The following MND1 variants were observed in gnomAD, a reference collection of about 807,000 sequenced individuals.
MND1 encodes meiotic nuclear division protein 1 homolog.
In MND1, 28 loss-of-function variants were observed where a neutral mutation model predicts 35.1. That is an observed-to-expected ratio of 0.80 (90% CI 0.59 to 1.09). The LOEUF is 1.09. Ranked by LOEUF, MND1 falls within the 50% of genes least tolerant of loss-of-function variation. The pLI is 0.00. For synonymous variants in MND1, 69 were observed against 70.5 expected, an observed-to-expected ratio of 0.98 and a Z score of 0.11; for missense variants, 213 against 239.6, an observed-to-expected ratio of 0.89 and a Z score of 0.73.
At chr4:153,388,261 G>A (rs549390598) in intron 4 of MND1, among the ~76,000 whole-genome samples, 7 of 152,274 alleles carry the variant, frequency 4.6e-5, no homozygotes, top group East Asian at 3.9e-4. Flanking sequence ...AGGACAAGGC[G>A]GGAGGATCAC....
chr4:153,359,730 CATT>C (rs928936464), intron 4 of MND1, among the ~76,000 whole-genome samples: 7 of 145,404 alleles, frequency 4.8e-5, no homozygotes, highest in East Asian at 2.1e-4. Context: ...AGTGGTATCT[CATT>C]GTTGTTTTAA....
intron 3 of MND1, among the ~76,000 whole-genome samples, chr4:153,357,332 A>G (rs1579899713): frequency 6.6e-6 from 1 of 152,308 alleles, no homozygotes; most frequent in African/African-American, 2.4e-5. Context: ...AAATTTCTTA[A>G]GTTTAAATAC....
intron 1 of MND1, among the ~76,000 whole-genome samples, chr4:153,348,663 T>A (rs11735127): frequency 1.3e-5 from 2 of 151,938 alleles, no homozygotes; most frequent in African/African-American, 2.4e-5. Flanking sequence ...TTGTTTTTTT[T>A]TGTGTGTGTG....
intron 3 of MND1, among the ~76,000 whole-genome samples, chr4:153,358,036 G>A (rs1773388268): frequency 6.6e-6 from 1 of 152,104 alleles, no homozygotes; most frequent in African/African-American, 2.4e-5. Flanking sequence ...TTGCATTTCT[G>A]TAGTTTTGTT....
intron 4 of MND1, among the ~76,000 whole-genome samples, chr4:153,377,831 CTT>C (rs1440835596): frequency 2.0e-5 from 3 of 152,106 alleles, no homozygotes; most frequent in Admixed American, 2.0e-4. Context: ...TGGCTTTTTT[CTT>C]TTTCTTTATC....
chr4:153,369,998 A>G (rs1414243631), intron 4 of MND1, among the ~76,000 whole-genome samples: 15 of 152,052 alleles, frequency 9.9e-5, no homozygotes. Flanking sequence ...AGCAATTCCT[A>G]GGACCAGGCT....
rs552065294 is a variant in MND1 at position 153,344,690 on chromosome 4, C to T, written c.-48C>T. On this transcript the variant is annotated 5_prime_UTR_variant, in exon 1 of 8. Transcript: ENST00000240488. ...AAACGCGTCCTGGCCTGTCCCGCCC[C>T]TCTCCCCAAGCGCGGGCCCGGCCAG... 5 of 1,550,766 alleles carry T rather than the reference C, an allele frequency of 3.2e-6. No individual in the cohort carries two copies. In the Admixed American group the frequency reaches 5.4e-5, roughly 17 times the overall value.
intron 6 of MND1, among the ~76,000 whole-genome samples, chr4:153,404,875 C>T (rs1002293566): frequency 6.6e-6 from 1 of 151,930 alleles, no homozygotes; most frequent in Non-Finnish European, 1.5e-5. Flanking sequence ...TAGAAGTGTG[C>T]ACCTCTACAC....
At chr4:153,384,443 ATTTTTTTTTT>A (rs561004288) in intron 4 of MND1, among the ~76,000 whole-genome samples, 25 of 63,188 alleles carry the variant, frequency 4.0e-4, no homozygotes, top group South Asian at 2.1e-3. Flanking sequence ...CTAATGTTTA[ATTTTTTTTTT>A]TTTTTTTTTT....
chr4:153,381,689 TATA>T (rs1304354129), intron 4 of MND1: 1 of 30,708 alleles, frequency 3.3e-5, no homozygotes, highest in Admixed American at 4.1e-4. Flanking sequence ...TATATATATA[TATA>T]TTTTTTTTTT....
intron 4 of MND1, among the ~76,000 whole-genome samples, chr4:153,367,867 A>T (rs1377129238): frequency 6.6e-6 from 1 of 152,204 alleles, no homozygotes; most frequent in Non-Finnish European, 1.5e-5. Flanking sequence ...TTTTGATTCT[A>T]GCCATCCTTG....
intron 4 of MND1, 94 bp from the exon 5 acceptor site, chr4:153,394,146 TCGGCCTGGGGCGAGTGCTGGGG>T: frequency 1.3e-6 from 1 of 768,314 alleles, no homozygotes; most frequent in Non-Finnish European, 2.1e-6. Context: ...TCTGCCTGCC[TCGGCCTGGGGCGAGTGCTGGGG>T]CGTGAGCCAC....
chr4:153,385,611 G>C (rs1377570578), intron 4 of MND1, among the ~76,000 whole-genome samples: 2 of 151,434 alleles, frequency 1.3e-5, no homozygotes, highest in Non-Finnish European at 2.9e-5. Context: ...AGCTGCTCAG[G>C]AGGCTGAGGT....
chr4:153,405,458 C>T (rs1332177914), intron 6 of MND1, among the ~76,000 whole-genome samples: 1 of 151,750 alleles, frequency 6.6e-6, no homozygotes, highest in Non-Finnish European at 1.5e-5. Context: ...ATAGTGTGAA[C>T]CCAGGAGGCG....
chr4:153,393,368 CTTTTTTTT>C (rs60689772), intron 4 of MND1, among the ~76,000 whole-genome samples: 3 of 125,336 alleles, frequency 2.4e-5, no homozygotes, highest in South Asian at 2.7e-4. Context: ...CAATTTCTTT[CTTTTTTTT>C]TTTTTTTTTT....
chr4:153,379,775 G>A (rs751848906), intron 4 of MND1, among the ~76,000 whole-genome samples: 24 of 147,554 alleles, frequency 1.6e-4, no homozygotes, highest in Non-Finnish European at 2.5e-4. Flanking sequence ...GCTTGAACCC[G>A]GGAGGCAGAG....
intron 1 of MND1, 123 bp downstream of exon 1, chr4:153,344,863 C>T: frequency 6.7e-7 from 1 of 1,482,782 alleles, no homozygotes; most frequent in African/African-American, 1.4e-5. Context: ...GGAGCGGTCG[C>T]CCGGCTCTCG....
chr4:153,378,696 C>A (rs1020683667), intron 4 of MND1, among the ~76,000 whole-genome samples: 1 of 152,154 alleles, frequency 6.6e-6, no homozygotes, highest in Non-Finnish European at 1.5e-5. Context: ...TATGTTGATA[C>A]CTGGAATAGT....
chr4:153,358,812 CAT>C (rs1561057398), intron 4 of MND1, among the ~76,000 whole-genome samples, 190 bp downstream of exon 4: 1 of 152,118 alleles, frequency 6.6e-6, no homozygotes, highest in Non-Finnish European at 1.5e-5. Context: ...TTCATCTTCC[CAT>C]ATGTCAAGAT....
Sources: gnomAD v4.1 joint callset for allele counts (sites outside exome capture counted in the v4.1 genomes callset) on GRCh38, gnomAD v4.1.1 for gene constraint, MANE v1.5 for transcripts, NCBI Gene and HGNC (gene_info 2026-07-23, HGNC 2026-07-21) for gene names.